Variants in ZSWIM6 observed in about 807,000 individuals in gnomAD.
ZSWIM6 encodes zinc finger SWIM domain-containing protein 6.
Under a neutral mutation model 113.2 loss-of-function variants are expected in ZSWIM6, and 9 were observed. The observed-to-expected ratio is 0.08, with a 90% CI of 0.05 to 0.14. ZSWIM6 has a LOEUF of 0.14. Among genes scored for constraint, ZSWIM6 ranks in the 10% least tolerant of loss-of-function variants. The pLI is 1.00. For synonymous variants in ZSWIM6, 611 were observed against 606.5 expected, an observed-to-expected ratio of 1.01 and a Z score of -0.11; for missense variants, 1,162 against 1,552.2, an observed-to-expected ratio of 0.75 and a Z score of 4.22.
intron 1 of ZSWIM6, among the ~76,000 whole-genome samples, chr5:61,364,106 A>G (rs1223914303): frequency 6.7e-6 from 1 of 150,218 alleles, no homozygotes; most frequent in African/African-American, 2.5e-5. Flanking sequence ...ATGCAGTGGC[A>G]TGATCACAGC....
intron 4 of ZSWIM6, among the ~76,000 whole-genome samples, chr5:61,496,534 T>C (rs1210254980): frequency 6.6e-6 from 1 of 152,196 alleles, no homozygotes; most frequent in African/African-American, 2.4e-5. Flanking sequence ...TGGAATTAAA[T>C]GCTGAGCACT....
intron 4 of ZSWIM6, among the ~76,000 whole-genome samples, chr5:61,505,395 A>G (rs556702116): frequency 6.6e-6 from 1 of 151,808 alleles, no homozygotes; most frequent in South Asian, 2.1e-4. Context: ...AGGGTTAGTG[A>G]GAGGTAGAGG....
At chr5:61,502,312 A>G (rs1014072175) in intron 4 of ZSWIM6, among the ~76,000 whole-genome samples, 7 of 152,174 alleles carry the variant, frequency 4.6e-5, no homozygotes, top group Non-Finnish European at 8.8e-5. Flanking sequence ...ACATGCTATC[A>G]TAGTTAATTT....
At chr5:61,447,645 A>G (rs1580001289) in intron 1 of ZSWIM6, among the ~76,000 whole-genome samples, 1 of 152,162 alleles carries the variant, frequency 6.6e-6, no homozygotes, top group African/African-American at 2.4e-5. Context: ...GAGGGCTTCT[A>G]AGAATTCTCC....
At chr5:61,374,979 T>C in intron 1 of ZSWIM6, 2 of 891,738 alleles carry the variant, frequency 2.2e-6, no homozygotes, top group East Asian at 5.3e-5. Flanking sequence ...AATATAGAAA[T>C]GAGCATACAA....
At chr5:61,344,325 T>C (rs900198177) in intron 1 of ZSWIM6, among the ~76,000 whole-genome samples, 16 of 152,264 alleles carry the variant, frequency 1.1e-4, no homozygotes, top group African/African-American at 3.6e-4. Flanking sequence ...TTGTGGTTTA[T>C]ACTTTTCTCT....
intron 1 of ZSWIM6, among the ~76,000 whole-genome samples, chr5:61,461,466 T>G (rs942825556): frequency 2.6e-5 from 4 of 152,238 alleles, no homozygotes; most frequent in African/African-American, 9.6e-5. Context: ...AGAGTCCCAG[T>G]CTCTCTGCCT....
At chr5:61,370,331 A>G (rs1745240574) in intron 1 of ZSWIM6, among the ~76,000 whole-genome samples, 1 of 152,262 alleles carries the variant, frequency 6.6e-6, no homozygotes, top group Non-Finnish European at 1.5e-5. Context: ...GGAAATGGGA[A>G]AAGTCATTCT....
chr5:61,384,069 G>A (rs542601307), intron 1 of ZSWIM6, among the ~76,000 whole-genome samples: 2 of 148,112 alleles, frequency 1.4e-5, no homozygotes, highest in Non-Finnish European at 3.0e-5. Context: ...GTGAAACCCC[G>A]TCTCTACTAA....
chr5:61,521,399 C>A lies in ZSWIM6; in HGVS notation c.1470C>A (p.Pro490=). 2.0e-6 allele frequency: 3 copies of A among 1,526,574 alleles called. No homozygotes were observed. The highest frequency in any genetic ancestry group is 1.8e-6 in the Non-Finnish European group (2 of 1,135,272). 94.6% of individuals were successfully genotyped at this position (1,526,574 alleles called of 1,614,324 possible). A position where few individuals can be genotyped will look rare whatever the true frequency, so the allele number is the denominator to read the frequency against. ...WEDGNHGSEL[P]NLTNALPQGA... ...ATGGAAATCATGGCAGTGAATTACC[C>A]AACTTAACCAATGCTCTGCCTCAGG... The change falls in exon 5 of 14, where the codon CCC becomes CCA. Residue 490 remains proline, a synonymous_variant. Transcript: ENST00000252744.
intron 4 of ZSWIM6, among the ~76,000 whole-genome samples, chr5:61,496,402 A>G (rs1418218328): frequency 1.3e-5 from 2 of 152,150 alleles, no homozygotes; most frequent in East Asian, 1.9e-4. Flanking sequence ...ATATTCATTC[A>G]CCAAAAAATT....
chr5:61,367,399 C>T (rs1458800324), intron 1 of ZSWIM6, among the ~76,000 whole-genome samples: 4 of 152,118 alleles, frequency 2.6e-5, no homozygotes, highest in Admixed American at 1.3e-4. Context: ...AGGCATGTAC[C>T]ACCATGCTTG....
chr5:61,377,252 ATAATT>A (rs1486397647), intron 1 of ZSWIM6, among the ~76,000 whole-genome samples: 3 of 152,292 alleles, frequency 2.0e-5, no homozygotes, highest in Non-Finnish European at 4.4e-5. Flanking sequence ...AGTTGGATCT[ATAATT>A]TATACCTCCA....
At position 61,522,076 on chromosome 5, in the gene ZSWIM6, T is replaced by C. The variant is rs193054689; in HGVS notation, c.1513+634T>C. ...CAAAAGAACCTCTGTCTCATTTCTG[T>C]CCTGTTTTTTTTGTTTGTTTTTTTT... On this transcript the variant is annotated intron_variant, in intron 5 of 13. Transcript: ENST00000252744. Among the ~76,000 whole-genome samples, 254 of 143,156 alleles carry C rather than the reference T, an allele frequency of 1.8e-3. 1 individual carries two copies. The highest frequency in any genetic ancestry group is 3.6e-3 in the Admixed American group (52 of 14,358). The allele number at this position is 143,156 out of a possible 152,430, so 93.9% of individuals were successfully genotyped here. A position where few individuals can be genotyped will look rare whatever the true frequency, so the allele number is the denominator to read the frequency against.
chr5:61,458,473 C>T (rs914503327), intron 1 of ZSWIM6, among the ~76,000 whole-genome samples: 1 of 152,192 alleles, frequency 6.6e-6, no homozygotes. Flanking sequence ...TGGAGGGGAA[C>T]ATCTGTTGCC....
Position 61,340,218 on chromosome 5 carries a change from AACTTTCAGCTGACTGAAAGATTG to A in ZSWIM6, c.676+7283_676+7305del, listed in dbSNP as rs561905160. 2.4e-4 allele frequency among the ~76,000 whole-genome samples: 37 copies of A among 152,322 alleles called. No individual in the cohort carries two copies. The South Asian group carries it at 4.3e-3, about 18-fold the overall frequency. On this transcript the variant is annotated intron_variant, in intron 1 of 13. Transcript: ENST00000252744. ...CGGTGCAAAATTCCTTGTCATTTTG[AACTTTCAGCTGACTGAAAGATTG>A]ACTTTCAGCTGATAGTAAACTGTTG...
chr5:61,390,694 G>T, intron 1 of ZSWIM6: 1 of 857,470 alleles, frequency 1.2e-6, no homozygotes, highest in Non-Finnish European at 2.0e-6. Flanking sequence ...TTTGCAATTC[G>T]GTCTTTCTTG....
chr5:61,410,132 T>G (rs1429020752), intron 1 of ZSWIM6, among the ~76,000 whole-genome samples: 1 of 152,024 alleles, frequency 6.6e-6, no homozygotes, highest in Non-Finnish European at 1.5e-5. Flanking sequence ...TAAGGTGAAG[T>G]CAGCATATAG....
At chr5:61,423,434 A>G (rs1173732377) in intron 1 of ZSWIM6, among the ~76,000 whole-genome samples, 1 of 151,798 alleles carries the variant, frequency 6.6e-6, no homozygotes, top group Non-Finnish European at 1.5e-5. Context: ...AAAAAAAACA[A>G]AACGGCAACA....
Sources: gnomAD v4.1 joint callset for allele counts (sites outside exome capture counted in the v4.1 genomes callset) on GRCh38, gnomAD v4.1.1 for gene constraint, MANE v1.5 for transcripts, NCBI Gene and HGNC (gene_info 2026-07-23, HGNC 2026-07-21) for gene names.